GALNT18: variants seen among roughly 807,000 people sequenced by gnomAD.
The protein encoded by GALNT18 is GalNAc-transferase 18.
GALNT18 carries 44 observed loss-of-function variants against 69.5 expected under a neutral mutation model. That is an observed-to-expected ratio of 0.63 (90% confidence interval 0.50 to 0.81). GALNT18 has a LOEUF of 0.81. Among genes scored for constraint, GALNT18 ranks in the 40% least tolerant of loss-of-function variants. GALNT18 has a pLI of 0.00. For missense variants in GALNT18, 715 were observed against 810.0 expected, an observed-to-expected ratio of 0.88 and a Z score of 1.42; for synonymous variants, 364 against 318.2, an observed-to-expected ratio of 1.14 and a Z score of -1.53.
Position 11,404,438 on chromosome 11 carries a change from T to C in GALNT18, c.596-25174A>G, listed in dbSNP as rs1424386548. On this transcript the variant is annotated intron_variant, in intron 3 of 10. Coordinates refer to ENST00000227756, the MANE Select transcript of GALNT18 (RefSeq NM_198516.3). The surrounding 1 kb of genome is among the most constrained non-coding windows in gnomAD (Gnocchi z 4.5). ...AGGCAAGAGGAGCAGGAGCAGGAGC[T>C]GAAGCACTCAAAGGCTGATGTAAGC... is the stretch of plus-strand genomic sequence containing the variant. Among the ~76,000 whole-genome samples the C allele has an allele frequency of 6.6e-6, 1 of 152,122 alleles. No individual in the cohort carries two copies. The highest frequency in any genetic ancestry group is 2.4e-5 in the African/African-American group (1 of 41,418).
At chr11:11,326,334 G>A (rs781131639) in intron 9 of GALNT18, among the ~76,000 whole-genome samples, 2 of 152,140 alleles carry the variant, frequency 1.3e-5, no homozygotes, top group African/African-American at 2.4e-5. Context: ...GTGAGCCACC[G>A]TGCCTGGCCT....
At chr11:11,486,137 A>G (rs962067845) in intron 1 of GALNT18, among the ~76,000 whole-genome samples, 19 of 152,148 alleles carry the variant, frequency 1.2e-4, no homozygotes, top group African/African-American at 4.6e-4. Context: ...GAAATTATGC[A>G]TATATCTTTG....
intron 10 of GALNT18, among the ~76,000 whole-genome samples, chr11:11,288,393 A>C (rs1849234545): frequency 6.6e-6 from 1 of 152,150 alleles, no homozygotes; most frequent in Non-Finnish European, 1.5e-5. Flanking sequence ...TTTATGATAT[A>C]AATCAAACAA....
At position 11,317,716 on chromosome 11, in the gene GALNT18, C is replaced by T. The variant is rs140376305; in HGVS notation, c.1512+9370G>A. 6.1e-3 allele frequency among the ~76,000 whole-genome samples: 933 copies of T among 152,280 alleles called. 13 individuals carry two copies. The highest frequency in any genetic ancestry group is 0.021 in the African/African-American group (888 of 41,554). On this transcript the variant is annotated intron_variant, in intron 9 of 10. Coordinates refer to ENST00000227756, the MANE Select transcript of GALNT18 (RefSeq NM_198516.3). The stretch of plus-strand genomic sequence containing the variant: ...TTTACTCTGTTAATAATTCCTTTTG[C>T]TATGCAGAAACTCTTTAGGTTCCAC...
Position 11,377,901 on chromosome 11 carries a change from G to A in GALNT18, c.780-522C>T, listed in dbSNP as rs763611789. On this transcript the variant is annotated intron_variant, in intron 4 of 10. Coordinates refer to ENST00000227756, the MANE Select transcript of GALNT18 (RefSeq NM_198516.3). The surrounding 1 kb of genome is among the most constrained non-coding windows in gnomAD (Gnocchi z 4.6). ...CTGTGCCACATCCACCCCCCAAAGC[G>A]TTTCCCAACCACCCAAGGAGGGGTG... 7.2e-5 allele frequency among the ~76,000 whole-genome samples: 11 copies of A among 152,104 alleles called. No homozygotes were observed. Among genetic ancestry groups the A allele is most frequent in the East Asian group, 1.9e-4 (1 of 5,184 alleles).
intron 1 of GALNT18, among the ~76,000 whole-genome samples, chr11:11,566,263 A>T (rs911393907): frequency 6.6e-6 from 1 of 152,254 alleles, no homozygotes; most frequent in Non-Finnish European, 1.5e-5. Context: ...TCAACTCTGC[A>T]GCTGTAGTGC....
chr11:11,513,537 A>G (rs1434646039), intron 1 of GALNT18, among the ~76,000 whole-genome samples: 1 of 152,192 alleles, frequency 6.6e-6, no homozygotes, highest in African/African-American at 2.4e-5. Context: ...CAATAAAACT[A>G]ATAAAGCTGT....
Position 11,377,367 on chromosome 11 carries a change from T to C in GALNT18, c.792A>G (p.Val264=). ...TCCGGTTCTCCTTGATGCGGGTGAG[T>C]ACAGGTTCAGCCCTGGGCAGAGAGG... ...VEFNVGWAEP[V]LTRIKENRKR... is the part of the protein sequence containing the mutation. The change falls in exon 5 of 11, where the codon GTA becomes GTG. Residue 264 remains valine (V), a synonymous_variant. Transcript: ENST00000227756. The surrounding 1 kb of genome is among the most constrained non-coding windows in gnomAD (Gnocchi z 4.6). The C allele has an allele frequency of 6.2e-7, 1 of 1,613,620 alleles. No homozygotes were observed. Among genetic ancestry groups the C allele is most frequent in the South Asian group, 1.1e-5 (1 of 91,046 alleles).
Position 11,584,292 on chromosome 11 carries a change from G to A in GALNT18, c.235+37067C>T, listed in dbSNP as rs1056790771. Among the ~76,000 whole-genome samples, 4 of 152,156 alleles carry A rather than the reference G, an allele frequency of 2.6e-5. No homozygotes were observed. Among genetic ancestry groups the A allele is most frequent in the Non-Finnish European group, 1.5e-5 (1 of 68,030 alleles). On this transcript the variant is annotated intron_variant, in intron 1 of 10. Coordinates refer to ENST00000227756, the MANE Select transcript of GALNT18 (RefSeq NM_198516.3). This position sits in a 1 kb window ranked among gnomAD's most constrained non-coding sequence, Gnocchi z 4.1. The stretch of plus-strand genomic sequence containing the variant: ...GAAAGGCCTGGAAGTTATGTCCAGG[G>A]AAGAAGAAAAATAAATAAATAACAC...
rs752651716 is a variant in GALNT18, at chr11:11,619,904, G to A, written c.235+1455C>T. On this transcript the variant is annotated intron_variant, in intron 1 of 10. Transcript: ENST00000227756. This position sits in a 1 kb window ranked among gnomAD's most constrained non-coding sequence, Gnocchi z 4.9. Reference sequence around the variant, plus strand: ...TGTCCCTCTTTTCTGGGAAGGTGCCGAAGCCATGGGCTTGTTTTGAAGTCA... The same window carrying A: ...TGTCCCTCTTTTCTGGGAAGGTGCCAAAGCCATGGGCTTGTTTTGAAGTCA... 7.2e-5 allele frequency among the ~76,000 whole-genome samples: 11 copies of A among 152,178 alleles called. No individual in the cohort carries two copies. Among genetic ancestry groups the A allele is most frequent in the Non-Finnish European group, 1.2e-4 (8 of 68,024 alleles).
At chr11:11,409,512 C>T (rs967662449) in intron 3 of GALNT18, among the ~76,000 whole-genome samples, 3 of 152,120 alleles carry the variant, frequency 2.0e-5, no homozygotes, top group Non-Finnish European at 4.4e-5. Context: ...TGTGCTCAGC[C>T]AGGTCCTCTA....
intron 1 of GALNT18, among the ~76,000 whole-genome samples, chr11:11,593,635 T>C (rs1478700349): frequency 6.6e-6 from 1 of 152,144 alleles, no homozygotes; most frequent in Non-Finnish European, 1.5e-5. Flanking sequence ...CCTTTAAAAA[T>C]TTCCAGGCTT....
intron 1 of GALNT18, among the ~76,000 whole-genome samples, chr11:11,556,917 A>G (rs1211201625): frequency 6.6e-6 from 1 of 152,244 alleles, no homozygotes; most frequent in East Asian, 1.9e-4. Context: ...TATCTTCAAC[A>G]AATAAATGTT....
intron 3 of GALNT18, among the ~76,000 whole-genome samples, chr11:11,412,862 T>C (rs554618379): frequency 4.6e-5 from 7 of 152,322 alleles, no homozygotes; most frequent in Non-Finnish European, 1.0e-4. Flanking sequence ...AAGGCTGCTC[T>C]GCCCCAGCAT....
At chr11:11,450,739 C>G (rs1855776021) in intron 1 of GALNT18, among the ~76,000 whole-genome samples, 1 of 152,244 alleles carries the variant, frequency 6.6e-6, no homozygotes, top group Non-Finnish European at 1.5e-5. Context: ...ACGAGCCAGG[C>G]TCTGTCCTAA....
At position 11,562,926 on chromosome 11, in the gene GALNT18, C is replaced by T. The variant is rs925683457; in HGVS notation, c.235+58433G>A. ...TGCCTCAGGCTTCATTCAGCACCCCCACAGCCCTCAAGTTCACAGATCGGA... is the reference window on the plus strand; with the variant it reads ...TGCCTCAGGCTTCATTCAGCACCCCTACAGCCCTCAAGTTCACAGATCGGA... On this transcript the variant is annotated intron_variant, in intron 1 of 10. Transcript: ENST00000227756. This position sits in a 1 kb window ranked among gnomAD's most constrained non-coding sequence, Gnocchi z 4.1. Among the ~76,000 whole-genome samples the T allele has an allele frequency of 2.0e-5, 3 of 152,202 alleles. No individual in the cohort carries two copies. Among genetic ancestry groups the T allele is most frequent in the African/African-American group, 4.8e-5 (2 of 41,456 alleles).
In GALNT18 at chr11:11,511,470, C is replaced by A. The variant is rs564808763; in HGVS notation, c.236-62534G>T. Among the ~76,000 whole-genome samples the A allele has an allele frequency of 2.0e-4, 30 of 152,322 alleles. No individual in the cohort carries two copies. The highest frequency in any genetic ancestry group is 7.0e-4 in the African/African-American group (29 of 41,572). ...TGTGATCCCCAGAATAGGCCCCAGA[C>A]AATCCTGAGGAGACCTGGCTAATGC... On this transcript the variant is annotated intron_variant, in intron 1 of 10. Coordinates refer to ENST00000227756, the MANE Select transcript of GALNT18 (RefSeq NM_198516.3). The surrounding 1 kb of genome is among the most constrained non-coding windows in gnomAD (Gnocchi z 4.9).
At chr11:11,483,559 C>G (rs914176991) in intron 1 of GALNT18, among the ~76,000 whole-genome samples, 2 of 152,210 alleles carry the variant, frequency 1.3e-5, no homozygotes, top group Non-Finnish European at 2.9e-5. Context: ...AATGTGCCCC[C>G]TACCCTGGCC....
intron 1 of GALNT18, among the ~76,000 whole-genome samples, chr11:11,471,187 C>G (rs1250460201): frequency 2.6e-5 from 4 of 152,190 alleles, no homozygotes; most frequent in Non-Finnish European, 5.9e-5. Flanking sequence ...ATCCGTCCTT[C>G]TGGTTGGCTT....
Sources: gnomAD v4.1 joint callset for allele counts (sites outside exome capture counted in the v4.1 genomes callset) on GRCh38, gnomAD v4.1.1 for gene constraint, Gnocchi (gnomAD v3.1) non-coding constraint, MANE v1.5 for transcripts, NCBI Gene and HGNC (gene_info 2026-07-23, HGNC 2026-07-21) for gene names.